Variants in GRM7 observed in about 807,000 individuals in gnomAD.
GRM7 encodes the protein metabotropic glutamate receptor 7.
In GRM7, 35 loss-of-function variants were observed where a neutral mutation model predicts 84.5. The ratio of observed to expected loss-of-function variants is 0.41; its 90% CI spans 0.32 to 0.55. The LOEUF (loss-of-function observed/expected upper bound fraction) is 0.55, where lower values mean the gene tolerates loss of function less well. Ranked by LOEUF, GRM7 falls within the 20% of genes least tolerant of loss-of-function variation. GRM7 has a pLI of 0.19. For synonymous variants in GRM7, 487 were observed against 455.1 expected (o/e 1.07, Z -0.89); for missense variants, 1,003 against 1,194.6 (o/e 0.84, Z 2.36).
chr3:7,389,340 A>C (rs1013348166), intron 4 of GRM7, among the ~76,000 whole-genome samples: 2 of 152,094 alleles, frequency 1.3e-5, no homozygotes, highest in African/African-American at 4.8e-5. Context: ...ATGAGAAGTT[A>C]TATTCTGGTT....
At chr3:6,972,756 A>G (rs982486024) in intron 1 of GRM7, among the ~76,000 whole-genome samples, 2 of 152,176 alleles carry the variant, frequency 1.3e-5, no homozygotes, top group African/African-American at 4.8e-5. Context: ...TGGTTAGGAA[A>G]GGTAGGTGCC....
At chr3:7,540,657 A>T in intron 7 of GRM7, among the ~76,000 whole-genome samples, 1 of 152,228 alleles carries the variant, frequency 6.6e-6, no homozygotes, top group East Asian at 1.9e-4. Context: ...GATGGTGCAT[A>T]ACTTTGGAAA....
chr3:7,386,279 T>TA (rs1694783027), intron 4 of GRM7, among the ~76,000 whole-genome samples: 1 of 152,222 alleles, frequency 6.6e-6, no homozygotes, highest in South Asian at 2.1e-4. Flanking sequence ...TTAATGTTTT[T>TA]AAAAAATTTT....
At chr3:7,108,602 A>G (rs572694660) in intron 1 of GRM7, among the ~76,000 whole-genome samples, 4 of 152,032 alleles carry the variant, frequency 2.6e-5, no homozygotes, top group Admixed American at 1.3e-4. Flanking sequence ...AGACCACACA[A>G]GAGAAAGAAT....
intron 1 of GRM7, among the ~76,000 whole-genome samples, chr3:6,921,189 G>A (rs981337207): frequency 6.6e-6 from 1 of 152,216 alleles, no homozygotes; most frequent in Non-Finnish European, 1.5e-5. Context: ...AAGCTGCCGA[G>A]AGGCAACTTG....
chr3:7,635,545 C>G (rs1233996885), intron 8 of GRM7, among the ~76,000 whole-genome samples: 1 of 152,180 alleles, frequency 6.6e-6, no homozygotes, highest in Non-Finnish European at 1.5e-5. Flanking sequence ...TGCCCTGTTG[C>G]CTTTGCATGT....
intron 4 of GRM7, among the ~76,000 whole-genome samples, chr3:7,381,851 T>A (rs1394116423): frequency 6.6e-6 from 1 of 152,222 alleles, no homozygotes; most frequent in Non-Finnish European, 1.5e-5. Context: ...ATTTCTGAGT[T>A]GAAGGCACAT....
chr3:7,263,419 G>GGCAGCAGCAGCATGGCAGGGT (rs1698513056), intron 2 of GRM7, among the ~76,000 whole-genome samples: 1 of 152,194 alleles, frequency 6.6e-6, no homozygotes, highest in African/African-American at 2.4e-5. Flanking sequence ...CAGCAGCAGT[G>GGCAGCAGCAGCATGGCAGGGT]GCAGCAGCAG....
At chr3:7,592,009 G>A (rs1241789200) in intron 8 of GRM7, among the ~76,000 whole-genome samples, 1 of 152,118 alleles carries the variant, frequency 6.6e-6, no homozygotes, top group Non-Finnish European at 1.5e-5. Flanking sequence ...TATAAAATGA[G>A]ATTAACAATA....
chr3:7,740,285 A>T, intron 9 of GRM7, 72 bp from the exon 10 acceptor site: 6 of 970,090 alleles, frequency 6.2e-6, no homozygotes, highest in African/African-American at 1.7e-5. Flanking sequence ...TCAAGTGAAA[A>T]GTTCTAATTC....
chr3:6,961,316 T>C (rs1693287830), intron 1 of GRM7, among the ~76,000 whole-genome samples: 2 of 152,198 alleles, frequency 1.3e-5, no homozygotes, highest in South Asian at 2.1e-4. Context: ...AATTCCACCT[T>C]ACGCAGTTTA....
At chr3:6,885,851 G>C (rs1178172858) in intron 1 of GRM7, among the ~76,000 whole-genome samples, 2 of 152,134 alleles carry the variant, frequency 1.3e-5, no homozygotes, top group East Asian at 3.9e-4. Context: ...ATAGTTACAA[G>C]AAATATCACT....
In GRM7 at chr3:7,052,473, C is replaced by G. The variant is rs569927594; in HGVS notation, c.520-93979C>G. Among the ~76,000 whole-genome samples the G allele has an allele frequency of 7.3e-5, 11 of 151,600 alleles. No individual in the cohort carries two copies. The South Asian group carries it at 2.3e-3, about 31-fold the overall frequency. ...CTTGTTTTAAAAATCTAATTTACCA[C>G]CCACCAAAATCAAGATAGAGAACTC... is the stretch of plus-strand genomic sequence containing the variant. On this transcript the variant is annotated intron_variant, in intron 1 of 9. Transcript: ENST00000357716.
intron 1 of GRM7, among the ~76,000 whole-genome samples, chr3:7,103,454 C>T (rs890707013): frequency 6.6e-6 from 1 of 151,708 alleles, no homozygotes; most frequent in Admixed American, 6.6e-5. Context: ...CACTGGAGTT[C>T]CCCCCACACA....
intron 2 of GRM7, among the ~76,000 whole-genome samples, chr3:7,192,671 G>T (rs1321092901): frequency 6.6e-6 from 1 of 152,096 alleles, no homozygotes; most frequent in African/African-American, 2.4e-5. Flanking sequence ...CAAGCAGCCT[G>T]TAATGTGTTC....
At chr3:7,721,285 T>C (rs1367193798) in intron 9 of GRM7, among the ~76,000 whole-genome samples, 1 of 152,226 alleles carries the variant, frequency 6.6e-6, no homozygotes, top group Non-Finnish European at 1.5e-5. Flanking sequence ...TTGTATAAGG[T>C]AGACCCCTCT....
intron 2 of GRM7, among the ~76,000 whole-genome samples, chr3:7,208,123 CAGAG>C (rs1405308352): frequency 2.4e-4 from 37 of 152,330 alleles, no homozygotes; most frequent in African/African-American, 8.9e-4. Flanking sequence ...TCTTCAGAAT[CAGAG>C]AGGATAAACA....
rs114521236 is a variant in GRM7 at position 6,913,560 on chromosome 3, C to T, written c.519+51653C>T. Among the ~76,000 whole-genome samples the T allele has an allele frequency of 3.6e-3, 544 of 152,212 alleles. 3 individuals carry two copies. The highest frequency in any genetic ancestry group is 0.012 in the African/African-American group (517 of 41,534). ...CTTATCTTTTTCTAGTTCTTGGTTA[C>T]GAAGTTCTTAACTTTCCAGTAATAC... On this transcript the variant is annotated intron_variant, in intron 1 of 9. Coordinates refer to ENST00000357716, the MANE Select transcript of GRM7 (RefSeq NM_000844.4).
At chr3:6,914,835 A>G (rs1462702690) in intron 1 of GRM7, among the ~76,000 whole-genome samples, 2 of 152,150 alleles carry the variant, frequency 1.3e-5, no homozygotes, top group East Asian at 1.9e-4. Context: ...TGACTTCAAA[A>G]TTTTAGAGAG....
Sources: gnomAD v4.1 joint callset for allele counts (sites outside exome capture counted in the v4.1 genomes callset) on GRCh38, gnomAD v4.1.1 for gene constraint, MANE v1.5 for transcripts, NCBI Gene and HGNC (gene_info 2026-07-23, HGNC 2026-07-21) for gene names.